Variants in SMAP1 observed in about 807,000 individuals in gnomAD.
The protein encoded by SMAP1 is stromal membrane-associated protein 1.
A neutral mutation model predicts 58.5 loss-of-function variants in SMAP1; 24 were observed. That is an observed-to-expected ratio of 0.41 (90% CI 0.30 to 0.58). SMAP1 has a LOEUF of 0.58. SMAP1 is among the 20% of genes least tolerant of loss of function. The pLI is 0.29. For synonymous variants in SMAP1, 216 were observed against 196.6 expected (o/e 1.10, Z -0.82); for missense variants, 563 against 566.3 (o/e 0.99, Z 0.06).
chr6:70,801,304 G>C (rs1010931243), intron 6 of SMAP1, among the ~76,000 whole-genome samples: 1 of 152,128 alleles, frequency 6.6e-6, no homozygotes, highest in African/African-American at 2.4e-5. Context: ...TCTGTTGGCT[G>C]CATAAATGTC....
chr6:70,858,221 C>G lies in SMAP1; in HGVS notation c.1261C>G (p.Leu421Val). The change falls in exon 10 of 11, where the codon CTC becomes GTC. Residue 421 changes from leucine to valine, a missense_variant. By Grantham distance (32) the Leu-to-Val change is conservative. Coordinates refer to ENST00000370455, the MANE Select transcript of SMAP1 (RefSeq NM_001044305.3). The part of the protein sequence containing the change: ...LPQAQQPQWS[L>V]SQMNQQMAGM... Reference sequence around the variant, plus strand: ...GCAAGCTCAGCAGCCCCAGTGGAGCCTCTCACAGGTAGGGGTCATTTACTT... The same window carrying G: ...GCAAGCTCAGCAGCCCCAGTGGAGCGTCTCACAGGTAGGGGTCATTTACTT... The G allele has an allele frequency of 6.2e-7, 1 of 1,612,600 alleles. No homozygotes were observed. The highest frequency in any genetic ancestry group is 8.5e-7 in the Non-Finnish European group (1 of 1,179,620).
At chr6:70,700,541 A>G (rs755683680) in intron 1 of SMAP1, among the ~76,000 whole-genome samples, 6 of 152,268 alleles carry the variant, frequency 3.9e-5, no homozygotes, top group Admixed American at 6.5e-5. Context: ...CAAGTGATCC[A>G]CCTGCCTTGG....
At chr6:70,682,808 T>C (rs989432086) in intron 1 of SMAP1, among the ~76,000 whole-genome samples, 17 of 152,070 alleles carry the variant, frequency 1.1e-4, no homozygotes, top group Admixed American at 4.6e-4. Context: ...GAGGCCGAGG[T>C]AGGCCGATCA....
chr6:70,861,056 A>ATCT lies in SMAP1; in HGVS notation c.*725_*727dup, dbSNP rs1433582933. 3 of 219,442 alleles carry ATCT rather than the reference A, an allele frequency of 1.4e-5. No individual in the cohort carries two copies. Among genetic ancestry groups the ATCT allele is most frequent in the African/African-American group, 4.5e-5 (2 of 44,364 alleles). The allele number at this position is 219,442 out of a possible 1,614,324, so 13.6% of individuals were successfully genotyped here. ...ACTAACTAAAACAAAGCCACTTTCA[A>ATCT]TCTTCAATCCTTGAAGGTATATCTA... On this transcript the variant is annotated 3_prime_UTR_variant, in exon 11 of 11. Coordinates refer to ENST00000370455, the MANE Select transcript of SMAP1 (RefSeq NM_001044305.3).
intron 1 of SMAP1, among the ~76,000 whole-genome samples, chr6:70,686,976 T>C (rs1418628921): frequency 6.6e-6 from 1 of 152,208 alleles, no homozygotes; most frequent in Non-Finnish European, 1.5e-5. Flanking sequence ...GATTTTTACA[T>C]TGTGGCTGTC....
At chr6:70,859,356 C>T (rs1771592824) in intron 10 of SMAP1, 1 of 1,548,942 alleles carries the variant, frequency 6.5e-7, no homozygotes, top group African/African-American at 1.4e-5. Flanking sequence ...TGCTGTTCTC[C>T]AGCACTCCAT....
intron 9 of SMAP1, chr6:70,857,593 GA>G (rs1315515564): frequency 3.8e-6 from 1 of 265,866 alleles, no homozygotes; most frequent in Non-Finnish European, 7.2e-6. Context: ...CGTACTGGGG[GA>G]CCAGTGGTAC....
Position 70,732,424 on chromosome 6 carries a change from A to G in SMAP1, c.165A>G (p.Arg55=). 1 of 1,612,822 alleles carries G rather than the reference A, an allele frequency of 6.2e-7. No individual in the cohort carries two copies. The highest frequency in any genetic ancestry group is 8.5e-7 in the Non-Finnish European group (1 of 1,179,212). Residue 55 remains arginine (R), a synonymous_variant, in exon 2 of 11, where the codon AGA becomes AGG. Coordinates refer to ENST00000370455, the MANE Select transcript of SMAP1 (RefSeq NM_001044305.3). ...SWNIGVFICI[R]CAGIHRNLGV... is the part of the protein sequence containing the mutation. ...ATATTGGTGTGTTTATTTGCATCAG[A>G]TGTGCTGGAATTCATAGAAATCTTG...
chr6:70,698,479 C>CT (rs1252646442), intron 1 of SMAP1, among the ~76,000 whole-genome samples: 6 of 152,184 alleles, frequency 3.9e-5, no homozygotes, highest in Admixed American at 3.3e-4. Context: ...AATCAGCCTT[C>CT]TACCCCATCT....
chr6:70,794,732 C>G (rs961801428), intron 5 of SMAP1, among the ~76,000 whole-genome samples: 1 of 151,320 alleles, frequency 6.6e-6, no homozygotes, highest in Non-Finnish European at 1.5e-5. Flanking sequence ...GACACGAACT[C>G]TTCCTTTTTT....
At chr6:70,744,507 C>A (rs1056668360) in intron 2 of SMAP1, among the ~76,000 whole-genome samples, 1 of 152,082 alleles carries the variant, frequency 6.6e-6, no homozygotes, top group African/African-American at 2.4e-5. Flanking sequence ...TGAACTCATC[C>A]ATTTTTATGG....
intron 2 of SMAP1, chr6:70,734,763 A>C (rs1765559653): frequency 6.5e-6 from 1 of 152,994 alleles, no homozygotes. Flanking sequence ...AAACCCTGTG[A>C]CAGGATTGAC....
chr6:70,728,152 A>G (rs1373567596), intron 1 of SMAP1, among the ~76,000 whole-genome samples: 4 of 152,294 alleles, frequency 2.6e-5, no homozygotes, highest in Non-Finnish European at 5.9e-5. Context: ...TGGGTAGAGT[A>G]GTTCTGTCAT....
At chr6:70,679,085 A>G (rs1766597640) in intron 1 of SMAP1, among the ~76,000 whole-genome samples, 1 of 150,024 alleles carries the variant, frequency 6.7e-6, no homozygotes, top group South Asian at 2.1e-4. Context: ...GTGCATTGGC[A>G]TGATCTCGGC....
chr6:70,829,916 T>C (rs894899181), intron 6 of SMAP1, among the ~76,000 whole-genome samples: 1 of 152,106 alleles, frequency 6.6e-6, no homozygotes, highest in Non-Finnish European at 1.5e-5. Context: ...TAGGAAATGG[T>C]GGTAAATGTA....
At chr6:70,785,869 A>T (rs1056424181) in intron 4 of SMAP1, among the ~76,000 whole-genome samples, 27 of 152,226 alleles carry the variant, frequency 1.8e-4, no homozygotes, top group Admixed American at 4.6e-4. Flanking sequence ...ATTCTACCAG[A>T]GGTACAAGGA....
intron 2 of SMAP1, among the ~76,000 whole-genome samples, chr6:70,741,412 T>C (rs1411036281): frequency 2.0e-5 from 3 of 152,162 alleles, no homozygotes; most frequent in Non-Finnish European, 4.4e-5. Context: ...GTCAGTCAAA[T>C]CTTAAAGCTC....
In SMAP1 at chr6:70,815,553, G is replaced by A. The variant is rs148184561; in HGVS notation, c.576+16816G>A. Among the ~76,000 whole-genome samples the A allele has an allele frequency of 4.6e-5, 7 of 152,248 alleles. No individual in the cohort carries two copies. The East Asian group carries it at 1.2e-3, about 25-fold the overall frequency. On this transcript the variant is annotated intron_variant, in intron 6 of 10. Transcript: ENST00000370455. Reference sequence around the variant, plus strand: ...GGCGGGGGGAGTGGGGCAGATTGCCGAGCAGGTGACCTATAGCTAGAAAGG... The same window carrying A: ...GGCGGGGGGAGTGGGGCAGATTGCCAAGCAGGTGACCTATAGCTAGAAAGG...
chr6:70,765,338 A>G (rs944340671), intron 3 of SMAP1, among the ~76,000 whole-genome samples: 49 of 152,228 alleles, frequency 3.2e-4, no homozygotes, highest in Non-Finnish European at 4.9e-4. Context: ...TGATGTAAAC[A>G]AAAGTTAAGT....
Sources: gnomAD v4.1 joint callset for allele counts (sites outside exome capture counted in the v4.1 genomes callset) on GRCh38, gnomAD v4.1.1 for gene constraint, MANE v1.5 for transcripts, NCBI Gene and HGNC (gene_info 2026-07-23, HGNC 2026-07-21) for gene names.